Variants in GALNTL6 observed in about 807,000 individuals in gnomAD.
GALNTL6 encodes the protein polypeptide N-acetylgalactosaminyltransferase like 6.
A neutral mutation model predicts 73.7 loss-of-function variants in GALNTL6; 46 were observed. The observed-to-expected ratio is 0.62, with a 90% CI of 0.49 to 0.80. The LOEUF is 0.80. Among genes scored for constraint, GALNTL6 ranks in the 30% least tolerant of loss-of-function variants. GALNTL6 has a pLI of 0.00. For synonymous variants in GALNTL6, 259 were observed against 263.7 expected (o/e 0.98, Z 0.17); for missense variants, 604 against 755.0 (o/e 0.80, Z 2.34).
chr4:171,882,979 A>G (rs1183847233), intron 2 of GALNTL6, among the ~76,000 whole-genome samples: 1 of 152,178 alleles, frequency 6.6e-6, no homozygotes, highest in Non-Finnish European at 1.5e-5. Context: ...ATCAGTTCTC[A>G]GATATCAACT....
chr4:172,250,383 T>G (rs1220451998), intron 3 of GALNTL6, among the ~76,000 whole-genome samples: 1 of 152,178 alleles, frequency 6.6e-6, no homozygotes, highest in Non-Finnish European at 1.5e-5. Context: ...TTTGGGATAA[T>G]GCTAGAATGA....
At chr4:173,031,068 A>G (rs1316753551) in intron 12 of GALNTL6, among the ~76,000 whole-genome samples, 1 of 152,086 alleles carries the variant, frequency 6.6e-6, no homozygotes, top group Non-Finnish European at 1.5e-5. Context: ...AGGGCCTCAT[A>G]ATAGTCACTG....
At chr4:172,397,556 CATTTATTT>C (rs10639647) in intron 5 of GALNTL6, among the ~76,000 whole-genome samples, 14,089 of 144,380 alleles carry the variant, frequency 0.098, 740 homozygotes, top group Middle Eastern at 0.15. Flanking sequence ...ATAAGTATCT[CATTTATTT>C]ATTTATTTAT....
At chr4:172,501,350 A>C (rs1734254025) in intron 5 of GALNTL6, among the ~76,000 whole-genome samples, 1 of 152,212 alleles carries the variant, frequency 6.6e-6, no homozygotes, top group African/African-American at 2.4e-5. Context: ...CAAAAATTTC[A>C]AACATAAAGG....
At chr4:172,757,026 C>T (rs78126537) in intron 5 of GALNTL6, among the ~76,000 whole-genome samples, 4,647 of 152,228 alleles carry the variant, frequency 0.031, 111 homozygotes, top group Non-Finnish European at 0.051. Context: ...TAGCAAAGAT[C>T]CTGGAGAGGT....
chr4:172,196,243 A>G (rs1735765018), intron 2 of GALNTL6, among the ~76,000 whole-genome samples: 1 of 152,074 alleles, frequency 6.6e-6, no homozygotes, highest in African/African-American at 2.4e-5. Flanking sequence ...CAAGACTGAA[A>G]TACGAAGAAG....
intron 8 of GALNTL6, among the ~76,000 whole-genome samples, chr4:172,886,775 A>T (rs911913783): frequency 1.1e-4 from 16 of 152,168 alleles, no homozygotes; most frequent in African/African-American, 3.9e-4. Context: ...CAAAAAAAAA[A>T]AATCAATTTT....
intron 10 of GALNTL6, among the ~76,000 whole-genome samples, chr4:172,972,246 CA>C (rs1416116632): frequency 6.6e-6 from 1 of 152,010 alleles, no homozygotes; most frequent in Non-Finnish European, 1.5e-5. Flanking sequence ...ATAAGTGGAC[CA>C]AAATGAATAA....
chr4:173,041,052 G>A lies in GALNTL6; in HGVS notation c.*952G>A, dbSNP rs1200829855. ...AGTGAGTTTGATGTAATTTGTTTAG[G>A]AGATTCTTAAACCCAAATAAATCTA... On this transcript the variant is annotated 3_prime_UTR_variant, in exon 13 of 13. Transcript: ENST00000506823. 5 of 151,852 alleles carry A rather than the reference G, an allele frequency of 3.3e-5. No homozygotes were observed. Among genetic ancestry groups the A allele is most frequent in the Non-Finnish European group, 7.4e-5 (5 of 67,932 alleles). The allele number at this position is 151,852 out of a possible 1,614,324, so 9.4% of individuals were successfully genotyped here.
intron 3 of GALNTL6, among the ~76,000 whole-genome samples, chr4:172,278,663 G>C (rs1738919682): frequency 6.6e-6 from 1 of 152,086 alleles, no homozygotes; most frequent in Non-Finnish European, 1.5e-5. Context: ...ACATTTTAAA[G>C]TTTTGCCTGA....
At chr4:172,536,715 T>G (rs531136646) in intron 5 of GALNTL6, among the ~76,000 whole-genome samples, 9 of 152,276 alleles carry the variant, frequency 5.9e-5, no homozygotes, top group South Asian at 2.1e-4. Flanking sequence ...GAATTGGAAC[T>G]TATGTTTAAA....
chr4:172,385,410 G>A lies in GALNTL6; in HGVS notation c.553+36721G>A, dbSNP rs566889770. On this transcript the variant is annotated intron_variant, in intron 5 of 12. Coordinates refer to ENST00000506823, the MANE Select transcript of GALNTL6 (RefSeq NM_001034845.3). Reference sequence around the variant, plus strand: ...ATATTTATCACTGAATTATCAATTAGTCTTTCAGTTTTCTTAGTTTTTGCT... The same window carrying A: ...ATATTTATCACTGAATTATCAATTAATCTTTCAGTTTTCTTAGTTTTTGCT... 2.6e-5 allele frequency among the ~76,000 whole-genome samples: 4 copies of A among 152,108 alleles called. No individual in the cohort carries two copies. In the South Asian group the frequency reaches 8.3e-4, roughly 32 times the overall value.
At chr4:172,328,555 A>G (rs1160341529) in intron 4 of GALNTL6, among the ~76,000 whole-genome samples, 1 of 152,012 alleles carries the variant, frequency 6.6e-6, no homozygotes, top group Non-Finnish European at 1.5e-5. Context: ...CTTTTTACAT[A>G]ATCTCACATT....
intron 2 of GALNTL6, among the ~76,000 whole-genome samples, chr4:172,001,024 A>G (rs913387999): frequency 6.6e-6 from 1 of 152,148 alleles, no homozygotes; most frequent in South Asian, 2.1e-4. Flanking sequence ...GTTACATTCT[A>G]TCAGTCTGGT....
At chr4:171,974,508 A>G (rs770245944) in intron 2 of GALNTL6, among the ~76,000 whole-genome samples, 23 of 152,176 alleles carry the variant, frequency 1.5e-4, no homozygotes, top group Non-Finnish European at 3.2e-4. Flanking sequence ...TTTCCAACTA[A>G]TGATAAGGTT....
chr4:172,846,808 T>C (rs538327184), intron 7 of GALNTL6, among the ~76,000 whole-genome samples: 1 of 152,352 alleles, frequency 6.6e-6, no homozygotes, highest in South Asian at 2.1e-4. Flanking sequence ...AATCTTAATA[T>C]GTCTGATAAA....
chr4:172,138,153 T>TG (rs1292018511), intron 2 of GALNTL6, among the ~76,000 whole-genome samples: 3 of 152,058 alleles, frequency 2.0e-5, no homozygotes, highest in Non-Finnish European at 2.9e-5. Flanking sequence ...AACGGAATTA[T>TG]GATTGGTTGA....
Position 172,690,978 on chromosome 4 carries a change from C to T in GALNTL6, c.554-118383C>T, listed in dbSNP as rs111468677. ...TCTAAGAGAGATGAGATCAAAGGCA[C>T]GCTCAGAAATTGGCTTGCAATACAA... On this transcript the variant is annotated intron_variant, in intron 5 of 12. Transcript: ENST00000506823. 1.5e-3 allele frequency among the ~76,000 whole-genome samples: 224 copies of T among 152,192 alleles called. 2 individuals are homozygous for T. The highest frequency in any genetic ancestry group is 4.7e-3 in the African/African-American group (196 of 41,518).
intron 10 of GALNTL6, among the ~76,000 whole-genome samples, chr4:172,955,951 T>G (rs1012719319): frequency 2.0e-5 from 3 of 152,184 alleles, no homozygotes; most frequent in Non-Finnish European, 4.4e-5. Flanking sequence ...CAGGCCATTT[T>G]CACTTCTTTT....
Sources: allele counts gnomAD v4.1 joint callset (sites outside exome capture counted in the v4.1 genomes callset), GRCh38; gene constraint gnomAD v4.1.1; transcripts MANE v1.5; gene names NCBI Gene and HGNC (gene_info 2026-07-23, HGNC 2026-07-21).